The following GNPTAB variants were observed in gnomAD, a reference collection of about 807,000 sequenced individuals.
The protein encoded by GNPTAB is N-acetylglucosamine-1-phosphotransferase subunits alpha/beta.
Under a neutral mutation model 136.6 loss-of-function variants are expected in GNPTAB, and 92 were observed. The observed-to-expected ratio is 0.67, with a 90% CI of 0.57 to 0.80. GNPTAB has a LOEUF of 0.80. Ranked by LOEUF, GNPTAB falls within the 30% of genes least tolerant of loss-of-function variation. The pLI, the probability that GNPTAB is intolerant of heterozygous loss-of-function variation, is 0.00. For missense variants in GNPTAB, 1,343 were observed against 1,501.8 expected (o/e 0.89, Z 1.75); for synonymous variants, 512 against 535.1 (o/e 0.96, Z 0.60).
At chr12:101,761,465 C>G in intron 14 of GNPTAB, 99 bp downstream of exon 14, 1 of 1,431,398 alleles carries the variant, frequency 7.0e-7, no homozygotes, top group East Asian at 2.3e-5. Context: ...TATTAGTCAT[C>G]AAATATTAGA....
rs539525003 is a variant in GNPTAB, at chr12:101,776,858, G to A, written c.771+3294C>T. 2.0e-5 allele frequency among the ~76,000 whole-genome samples: 3 copies of A among 152,378 alleles called. No homozygotes were observed. The South Asian group carries it at 6.2e-4, about 32-fold the overall frequency. On this transcript the variant is annotated intron_variant, in intron 7 of 20. Transcript: ENST00000299314. Reference sequence around the variant, plus strand: ...GGCAGAGCTGAGCTGAGCCCTAGGTGGCTCCAGGGCCACAGGCCATGGCAA... The same window carrying A: ...GGCAGAGCTGAGCTGAGCCCTAGGTAGCTCCAGGGCCACAGGCCATGGCAA...
Position 101,796,681 on chromosome 12 carries a change from T to C in GNPTAB, c.199A>G (p.Asn67Asp). ...RDNIAGKSFQ[N>D]RLCLPMPIDV... is the part of the protein sequence containing the mutation. Reference sequence around the variant, plus strand: ...TTTCTCCAAAATAGATCTTACCGATTCTGAAAGGACTTTCCAGCAATATTG... The same window carrying C: ...TTTCTCCAAAATAGATCTTACCGATCCTGAAAGGACTTTCCAGCAATATTG... Residue 67 changes from asparagine (N) to aspartate (D), a missense_variant, in exon 2 of 21, where the codon AAT becomes GAT. Asn to Asp is a conservative substitution (Grantham distance 23). Transcript: ENST00000299314. The C allele has an allele frequency of 6.3e-7, 1 of 1,599,136 alleles. No individual in the cohort carries two copies. The highest frequency in any genetic ancestry group is 8.6e-7 in the Non-Finnish European group (1 of 1,166,574).
At chr12:101,830,407 C>T (rs995778472) in intron 1 of GNPTAB, 152 bp downstream of exon 1, 30 of 622,408 alleles carry the variant, frequency 4.8e-5, no homozygotes, top group Non-Finnish European at 7.1e-5. Flanking sequence ...GGGCGATCGC[C>T]TGAGCTCAGG....
intron 18 of GNPTAB, 139 bp from the exon 19 acceptor site, chr12:101,753,678 A>G (rs1392647631): frequency 1.9e-5 from 14 of 734,138 alleles, no homozygotes; most frequent in Non-Finnish European, 3.0e-5. Context: ...TCTCTGGGGG[A>G]ATGATATTCT....
At chr12:101,764,088 T>G in intron 13 of GNPTAB, 114 bp downstream of exon 13, 1 of 1,345,158 alleles carries the variant, frequency 7.4e-7, no homozygotes, top group Non-Finnish European at 1.0e-6. Context: ...GAAAAGCATT[T>G]AGTTCCATGG....
intron 2 of GNPTAB, among the ~76,000 whole-genome samples, chr12:101,795,307 A>C (rs1869215326): frequency 6.6e-6 from 1 of 152,228 alleles, no homozygotes; most frequent in Admixed American, 6.5e-5. Flanking sequence ...TGCTATATTA[A>C]GGAATGGTCC....
At chr12:101,771,499 C>T (rs1300440392) in intron 7 of GNPTAB, among the ~76,000 whole-genome samples, 1 of 152,192 alleles carries the variant, frequency 6.6e-6, no homozygotes, top group African/African-American at 2.4e-5. Flanking sequence ...CTGCCTTGGC[C>T]TCCCAAAGTG....
intron 7 of GNPTAB, among the ~76,000 whole-genome samples, chr12:101,776,385 TAG>T (rs1281344962): frequency 1.3e-5 from 2 of 152,120 alleles, no homozygotes; most frequent in African/African-American, 4.8e-5. Flanking sequence ...ACAGATAAAT[TAG>T]AGAGTAATTA....
chr12:101,823,172 GA>G (rs964480137), intron 1 of GNPTAB, among the ~76,000 whole-genome samples: 1 of 152,210 alleles, frequency 6.6e-6, no homozygotes, highest in African/African-American at 2.4e-5. Flanking sequence ...AACTGTTAGA[GA>G]AATTATTCTG....
intron 7 of GNPTAB, among the ~76,000 whole-genome samples, chr12:101,773,996 C>T (rs1249726825): frequency 1.3e-5 from 2 of 152,206 alleles, no homozygotes; most frequent in African/African-American, 2.4e-5. Flanking sequence ...GTGAACAACA[C>T]GTAGCATGAC....
At chr12:101,759,412 T>A (rs369472789) in intron 16 of GNPTAB, among the ~76,000 whole-genome samples, 1,323 of 57,924 alleles carry the variant, frequency 0.023, no homozygotes, top group Middle Eastern at 0.071. Context: ...GCCCTGAAAA[T>A]AAAGCTTAAA....
At chr12:101,794,122 C>T (rs1324110227) in intron 2 of GNPTAB, among the ~76,000 whole-genome samples, 2 of 152,174 alleles carry the variant, frequency 1.3e-5, no homozygotes, top group South Asian at 4.1e-4. Flanking sequence ...GGATTACAGG[C>T]GTGAGCCACC....
chr12:101,765,966 A>G (rs1245260246), intron 12 of GNPTAB, 125 bp downstream of exon 12: 8 of 830,234 alleles, frequency 9.6e-6, no homozygotes, highest in Non-Finnish European at 1.7e-5. Flanking sequence ...ACTAGTTTGA[A>G]TGCAAGGCTG....
chr12:101,763,973 T>A (rs1953042649), intron 13 of GNPTAB, among the ~76,000 whole-genome samples: 1 of 152,212 alleles, frequency 6.6e-6, no homozygotes, highest in Admixed American at 6.5e-5. Flanking sequence ...TCATTCACAC[T>A]TGGGCTGTTT....
Position 101,789,985 on chromosome 12 carries a change from T to C in GNPTAB, c.276A>G (p.Glu92=), listed in dbSNP as rs1342856964. ...VNGTDLELLK[E]LQQVREQMEE... ...CCATCTGTTCTCTGACCTGCTGTAG[T>C]TCCTTCAGTAGTTCAAGATCTGTGC... The change falls in exon 3 of 21, where the codon GAA becomes GAG. Residue 92 remains glutamate, a synonymous_variant. Coordinates refer to ENST00000299314, the MANE Select transcript of GNPTAB (RefSeq NM_024312.5). The C allele has an allele frequency of 1.2e-6, 2 of 1,614,076 alleles. No homozygotes were observed. The highest frequency in any genetic ancestry group is 1.3e-5 in the African/African-American group (1 of 74,938).
chr12:101,759,417 C>A (rs1195883304), intron 16 of GNPTAB, among the ~76,000 whole-genome samples: 11 of 119,592 alleles, frequency 9.2e-5, no homozygotes, highest in African/African-American at 1.7e-4. Context: ...GAAAATAAAG[C>A]TTAAAAAAAA....
At chr12:101,751,996 C>T (rs1422117308) in intron 19 of GNPTAB, among the ~76,000 whole-genome samples, 1 of 145,312 alleles carries the variant, frequency 6.9e-6, no homozygotes, top group African/African-American at 2.6e-5. Context: ...AGCTCTTAGT[C>T]AAGTACCATG....
intron 4 of GNPTAB, among the ~76,000 whole-genome samples, 161 bp from the exon 5 acceptor site, chr12:101,786,378 G>T (rs1372313346): frequency 6.6e-6 from 1 of 152,128 alleles, no homozygotes; most frequent in Non-Finnish European, 1.5e-5. Flanking sequence ...CAAAAATTAA[G>T]TTAGCAAGTA....
At chr12:101,778,342 T>C (rs1051132245) in intron 7 of GNPTAB, 8 of 152,226 alleles carry the variant, frequency 5.3e-5, no homozygotes, top group Non-Finnish European at 7.3e-5. Flanking sequence ...GAATCAAGAA[T>C]GCCATTCTGT....
Sources: allele counts gnomAD v4.1 joint callset (sites outside exome capture counted in the v4.1 genomes callset), GRCh38; gene constraint gnomAD v4.1.1; transcripts MANE v1.5; gene names NCBI Gene and HGNC (gene_info 2026-07-23, HGNC 2026-07-21).